PAPSS1: variants seen among roughly 807,000 people sequenced by gnomAD.
PAPSS1 encodes bifunctional 3'-phosphoadenosine 5'-phosphosulfate synthase 1.
A neutral mutation model predicts 72.0 loss-of-function variants in PAPSS1; 50 were observed. That is an observed-to-expected ratio of 0.69 (90% CI 0.55 to 0.88). The LOEUF (loss-of-function observed/expected upper bound fraction) is 0.88. Among genes scored for constraint, PAPSS1 ranks in the 40% least tolerant of loss-of-function variants. The pLI is 0.00. For missense variants in PAPSS1, 657 were observed against 782.2 expected (o/e 0.84, Z 1.91); for synonymous variants, 261 against 263.6 (o/e 0.99, Z 0.09).
intron 6 of PAPSS1, among the ~76,000 whole-genome samples, chr4:107,659,610 T>C (rs530796987): frequency 7.9e-5 from 12 of 152,320 alleles, no homozygotes; most frequent in African/African-American, 2.6e-4. Context: ...TTAGAAAACA[T>C]GTCTGAAGGG....
chr4:107,651,213 C>G (rs752702412), intron 9 of PAPSS1, among the ~76,000 whole-genome samples: 2 of 152,048 alleles, frequency 1.3e-5, no homozygotes, highest in South Asian at 2.1e-4. Context: ...AAAGAAGCCA[C>G]GAAAGAAATG....
At chr4:107,707,474 G>C (rs1723367592) in intron 1 of PAPSS1, among the ~76,000 whole-genome samples, 1 of 152,172 alleles carries the variant, frequency 6.6e-6, no homozygotes, top group South Asian at 2.1e-4. Context: ...TCAATCCATA[G>C]GTACCATCCT....
intron 9 of PAPSS1, among the ~76,000 whole-genome samples, chr4:107,645,925 C>T (rs189873318): frequency 1.3e-5 from 2 of 152,328 alleles, no homozygotes; most frequent in Admixed American, 1.3e-4. Context: ...CCTCTTCTAT[C>T]ACTGTAACAA....
chr4:107,717,867 C>T (rs1307733399), intron 1 of PAPSS1, among the ~76,000 whole-genome samples: 2 of 152,190 alleles, frequency 1.3e-5, no homozygotes, highest in Non-Finnish European at 2.9e-5. Flanking sequence ...CTCAACTCTT[C>T]CTTAAATGTT....
chr4:107,712,253 T>C (rs1252333936), intron 1 of PAPSS1, among the ~76,000 whole-genome samples: 2 of 152,232 alleles, frequency 1.3e-5, no homozygotes, highest in Non-Finnish European at 2.9e-5. Context: ...TCATTCATTA[T>C]TTGTTGTTTG....
At chr4:107,617,115 T>C (rs1451025646) in intron 11 of PAPSS1, among the ~76,000 whole-genome samples, 1 of 151,970 alleles carries the variant, frequency 6.6e-6, no homozygotes, top group African/African-American at 2.4e-5. Context: ...GTGATCTAGG[T>C]GGTATATCAA....
At chr4:107,639,901 C>T (rs1346205961) in intron 10 of PAPSS1, among the ~76,000 whole-genome samples, 1 of 152,180 alleles carries the variant, frequency 6.6e-6, no homozygotes, top group East Asian at 1.9e-4. Flanking sequence ...TGAAGGGTAT[C>T]CACTCGCTTA....
intron 5 of PAPSS1, among the ~76,000 whole-genome samples, chr4:107,670,001 G>T (rs1727427124): frequency 6.6e-6 from 1 of 152,148 alleles, no homozygotes; most frequent in Non-Finnish European, 1.5e-5. Context: ...AAGGTTTACT[G>T]TATGAATAAA....
chr4:107,639,457 G>A (rs1263705564), intron 10 of PAPSS1, among the ~76,000 whole-genome samples: 1 of 152,076 alleles, frequency 6.6e-6, no homozygotes, highest in Non-Finnish European at 1.5e-5. Context: ...CAGCCTTTTT[G>A]CCGATCCTAT....
rs898917451 is a variant in PAPSS1, at chr4:107,654,854, A to G, written c.942T>C (p.His314=). 9 of 1,613,948 alleles carry G rather than the reference A, an allele frequency of 5.6e-6. No homozygotes were observed. Among genetic ancestry groups the G allele is most frequent in the African/African-American group, 1.3e-5 (1 of 74,902 alleles). ...LSVPIVLTAT[H]EDKERLDGCT... is the part of the protein sequence containing the mutation. ...AGCCGTCCAGCCTCTCTTTATCTTC[A>G]TGAGTCGCAGTCAGAACTATAGGTA... The change falls in exon 8 of 12, where the codon CAT becomes CAC. Residue 314 remains histidine (H), a synonymous_variant. Transcript: ENST00000265174.
intron 8 of PAPSS1, among the ~76,000 whole-genome samples, chr4:107,654,388 G>A (rs912613485): frequency 7.9e-5 from 12 of 152,138 alleles, no homozygotes; most frequent in Non-Finnish European, 1.5e-4. Context: ...CTAAGCACAC[G>A]ACGAGATTGT....
intron 11 of PAPSS1, among the ~76,000 whole-genome samples, chr4:107,627,241 C>A (rs1726122865): frequency 1.3e-5 from 2 of 152,270 alleles, no homozygotes; most frequent in South Asian, 2.1e-4. Flanking sequence ...GTTTGGTTTT[C>A]ATAACTCATC....
At chr4:107,659,000 T>C (rs1218689129) in intron 6 of PAPSS1, among the ~76,000 whole-genome samples, 1 of 152,238 alleles carries the variant, frequency 6.6e-6, no homozygotes, top group Non-Finnish European at 1.5e-5. Flanking sequence ...GAATCTGACA[T>C]GTAAATTCAT....
chr4:107,687,326 G>T (rs1338064122), intron 3 of PAPSS1, 149 bp from the exon 4 acceptor site: 8 of 584,160 alleles, frequency 1.4e-5, no homozygotes, highest in East Asian at 3.3e-5. Context: ...AAAAATCCAA[G>T]AAATTATTAG....
intron 10 of PAPSS1, among the ~76,000 whole-genome samples, chr4:107,635,020 G>A (rs573534127): frequency 9.5e-4 from 145 of 151,998 alleles, no homozygotes; most frequent in African/African-American, 1.9e-3. Context: ...GGATGGTCTC[G>A]ATCTCCTGAC....
intron 5 of PAPSS1, among the ~76,000 whole-genome samples, chr4:107,673,156 C>G (rs1727539511): frequency 6.6e-6 from 1 of 152,200 alleles, no homozygotes; most frequent in Middle Eastern, 3.2e-3. Context: ...CAGAGCACCT[C>G]TCCTCCTCCA....
chr4:107,648,633 T>C (rs1233167114), intron 9 of PAPSS1, among the ~76,000 whole-genome samples: 29 of 152,330 alleles, frequency 1.9e-4, no homozygotes. Context: ...AATTCCTTTC[T>C]TCCCTCCCAC....
At chr4:107,655,022 G>T in intron 7 of PAPSS1, 122 bp from the exon 8 acceptor site, 3 of 569,436 alleles carry the variant, frequency 5.3e-6, no homozygotes, top group Non-Finnish European at 6.0e-6. Context: ...TCCAGTGACA[G>T]TATTCAACTG....
At chr4:107,669,118 AACAATG>A (rs1427398135) in intron 5 of PAPSS1, among the ~76,000 whole-genome samples, 1 of 152,230 alleles carries the variant, frequency 6.6e-6, no homozygotes, top group African/African-American at 2.4e-5. Context: ...TCTTTGTGAT[AACAATG>A]AAGTTAAATG....
Sources: allele counts gnomAD v4.1 joint callset (sites outside exome capture counted in the v4.1 genomes callset), GRCh38; gene constraint gnomAD v4.1.1; transcripts MANE v1.5; gene names NCBI Gene and HGNC (gene_info 2026-07-23, HGNC 2026-07-21).